Variants in KRT9 observed in about 807,000 individuals in gnomAD.
The protein encoded by KRT9 is keratin, type I cytoskeletal 9.
A neutral mutation model predicts 51.4 loss-of-function variants in KRT9; 34 were observed. The ratio of observed to expected loss-of-function variants is 0.66; its 90% CI spans 0.50 to 0.88. KRT9 has a LOEUF of 0.88. Among genes scored for constraint, KRT9 ranks in the 40% least tolerant of loss-of-function variants. The pLI is 0.00. For missense variants in KRT9, 753 were observed against 790.3 expected (o/e 0.95, Z 0.57); for synonymous variants, 292 against 289.7 (o/e 1.01, Z -0.08).
chr17:41,569,439 T>A lies in KRT9; in HGVS notation c.1031A>T (p.Gln344Leu). The change falls in exon 4 of 8, where the codon CAA (glutamine) becomes CTA (leucine). Residue 344 changes from glutamine to leucine, a missense_variant. Coordinates refer to ENST00000246662, the MANE Select transcript of KRT9 (RefSeq NM_000226.4). Reference protein sequence around the residue: ...IAKNRKDIENQYETQITQIEH... With the variant: ...IAKNRKDIENLYETQITQIEH... ...CACTCTGCTCACCTGAGTCTCATAT[T>A]GATTCTCGATGTCCTTTCTGTTCTT... 1 of 1,614,104 alleles carries A rather than the reference T, an allele frequency of 6.2e-7. No homozygotes were observed. Among genetic ancestry groups the A allele is most frequent in the Non-Finnish European group, 8.5e-7 (1 of 1,179,992 alleles).
Position 41,572,014 on chromosome 17 carries a change from G to A in KRT9, c.-22C>T, listed in dbSNP as rs1907109111. On this transcript the variant is annotated 5_prime_UTR_variant, in exon 1 of 8. Transcript: ENST00000246662. ...TCATGACACAGCTGGTAGCTCACGG[G>A]TTGAGAAGCAGTGATAGGAGTGCTA... is the stretch of plus-strand genomic sequence containing the variant. The A allele has an allele frequency of 2.6e-6, 4 of 1,561,262 alleles. No homozygotes were observed. Among genetic ancestry groups the A allele is most frequent in the Non-Finnish European group, 3.5e-6 (4 of 1,157,478 alleles).
intron 4 of KRT9, 68 bp from the exon 5 acceptor site, chr17:41,568,701 AT>A: frequency 6.2e-7 from 1 of 1,602,926 alleles, no homozygotes; most frequent in East Asian, 2.2e-5. Context: ...ATTCTGCCCC[AT>A]TCACCAGGAT....
rs988379305 is a variant in KRT9 at position 41,571,678 on chromosome 17, A to G, written c.315T>C (p.Tyr105=). 6.2e-7 allele frequency: 1 copy of G among 1,605,264 alleles called. No individual in the cohort carries two copies. Among genetic ancestry groups the G allele is most frequent in the Admixed American group, 1.7e-5 (1 of 59,038 alleles). Residue 105 remains tyrosine (Y), a synonymous_variant, in exon 1 of 8, where the codon TAT becomes TAC. Transcript: ENST00000246662. ...CACCTCCAAAACCCCCAGAACTACT[A>G]TAGCCTCCTCCAGAAGCACCACCAA... ...RGFGGASGGG[Y]SSSGGFGGGF...
At position 41,567,398 on chromosome 17, in the gene KRT9, C is replaced by T. The variant is rs940794764; in HGVS notation, c.1747G>A (p.Gly583Arg). The T allele has an allele frequency of 4.4e-6, 7 of 1,591,356 alleles. No homozygotes were observed. The African/African-American group carries it at 6.7e-5, about 15-fold the overall frequency. ...GGGSGSRGGSGGSHGGGSGFG... is the reference protein window; with the variant it reads ...GGGSGSRGGSRGSHGGGSGFG... ...CCACTTCCTCCACCATGGCTGCCTC[C>T]ACTTCCTCCCCTGGACCCACTTCCT... is the stretch of plus-strand genomic sequence containing the variant. The change falls in exon 7 of 8, where the codon GGA becomes AGA. Residue 583 changes from glycine to arginine, a missense_variant. By Grantham distance (125) the Gly-to-Arg change is moderately radical. This residue lies in a region of KRT9 where 507 missense variants were observed against 563.7 expected (regional missense o/e 0.90). Coordinates refer to ENST00000246662, the MANE Select transcript of KRT9 (RefSeq NM_000226.4).
intron 7 of KRT9, 63 bp downstream of exon 7, chr17:41,567,170 A>T: frequency 6.5e-7 from 1 of 1,527,300 alleles, no homozygotes; most frequent in South Asian, 1.2e-5. Flanking sequence ...ATTCAAAAAT[A>T]CTCAAAAAAA....
intron 7 of KRT9, among the ~76,000 whole-genome samples, chr17:41,566,399 C>T (rs879696466): frequency 1.3e-5 from 2 of 152,176 alleles, no homozygotes; most frequent in African/African-American, 4.8e-5. Flanking sequence ...GCTTATGAGG[C>T]AGCCCCCTCC....
rs949167736 is a variant in KRT9, at chr17:41,566,103, G to A, written c.*90C>T. ...TCTGCCCATCTGGGGATGCTCAGCT[G>A]GGGCTGGGCAGGAGAAGTTTACAGA... On this transcript the variant is annotated 3_prime_UTR_variant, in exon 8 of 8. Transcript: ENST00000246662. The A allele has an allele frequency of 2.0e-5, 3 of 152,824 alleles. No homozygotes were observed. Among genetic ancestry groups the A allele is most frequent in the Non-Finnish European group, 2.9e-5 (2 of 68,106 alleles). The allele number at this position is 152,824 out of a possible 1,614,324, so 9.5% of individuals were successfully genotyped here.
chr17:41,567,121 C>A, intron 7 of KRT9, 112 bp downstream of exon 7: 1 of 1,527,892 alleles, frequency 6.5e-7, no homozygotes, highest in Non-Finnish European at 8.8e-7. Context: ...AGAGATTTCC[C>A]TAACATCTAG....
In KRT9 at chr17:41,568,604, A is replaced by T; in HGVS notation, c.1074T>A (p.Ser358Arg). Reference protein sequence around the residue: ...QITQIEHEVSSSGQEVQSSAK... With the variant: ...QITQIEHEVSRSGQEVQSSAK... The stretch of plus-strand genomic sequence containing the variant: ...CACTGGACTGCACCTCCTGACCACT[A>T]CTGGATACCTCATGCTCGATCTGGG... The change falls in exon 5 of 8, where the codon AGT becomes AGA. Residue 358 changes from serine (S) to arginine (R), a missense_variant. Ser to Arg is a moderately radical substitution (Grantham distance 110). This residue lies in a region of KRT9 where 507 missense variants were observed against 563.7 expected (regional missense o/e 0.90). Transcript: ENST00000246662. 4 of 1,614,034 alleles carry T rather than the reference A, an allele frequency of 2.5e-6. No individual in the cohort carries two copies. Among genetic ancestry groups the T allele is most frequent in the Non-Finnish European group, 3.4e-6 (4 of 1,179,988 alleles).
rs147573042 is a variant in KRT9 at position 41,568,733 on chromosome 17, C to A, written c.1045-100G>T. The A allele has an allele frequency of 8.7e-5, 130 of 1,488,668 alleles. No individual in the cohort carries two copies. The African/African-American group carries it at 1.6e-3, about 19-fold the overall frequency. The allele number at this position is 1,488,668 out of a possible 1,614,324, so 92.2% of individuals were successfully genotyped here. ...AGGATCTTCACCTCCAGGGCCAAGG[C>A]TGATCTGAAGCCAATGACAAGTCAT... On this transcript the variant is annotated intron_variant, in intron 4 of 7. Transcript: ENST00000246662.
chr17:41,569,490 C>T lies in KRT9; in HGVS notation c.980G>A (p.Arg327His), dbSNP rs761374587. ...AGCAATGAGCTGCTCATACTCCTGA[C>T]GCATGTCATTGAGGGTCTTGGTGAG... Reference protein sequence around the residue: ...KDLTKTLNDMRQEYEQLIAKN... With the variant: ...KDLTKTLNDMHQEYEQLIAKN... Residue 327 changes from arginine (R) to histidine (H), a missense_variant, in exon 4 of 8, where the codon CGT (arginine) becomes CAT (histidine). Physicochemically the swap from Arg to His is conservative, Grantham distance 29. Coordinates refer to ENST00000246662, the MANE Select transcript of KRT9 (RefSeq NM_000226.4). The T allele has an allele frequency of 7.4e-5, 120 of 1,613,998 alleles. No homozygotes were observed. The highest frequency in any genetic ancestry group is 3.3e-4 in the Middle Eastern group (2 of 6,082).
At chr17:41,567,999 C>T (rs1906935516) in intron 6 of KRT9, among the ~76,000 whole-genome samples, 163 bp downstream of exon 6, 1 of 152,080 alleles carries the variant, frequency 6.6e-6, no homozygotes, top group African/African-American at 2.4e-5. Flanking sequence ...TTTCCCAAAG[C>T]CCAAATGCAC....
rs572509613 is a variant in KRT9, at chr17:41,567,452, C to T, written c.1693G>A (p.Gly565Arg). The change falls in exon 7 of 8, where the codon GGA becomes AGA. Residue 565 changes from glycine (G) to arginine (R), a missense_variant. Transcript: ENST00000246662. Reference protein sequence around the residue: ...GGNYGGGSGSGGGSGGGYGGG... With the variant: ...GGNYGGGSGSRGGSGGGYGGG... The stretch of plus-strand genomic sequence containing the variant: ...CCATAGCCACCCCCACTTCCTCCTC[C>T]AGAGCCACTTCCTCCTCCATAGTTG... 5.1e-6 allele frequency: 8 copies of T among 1,554,424 alleles called. No individual in the cohort carries two copies. The highest frequency in any genetic ancestry group is 2.0e-5 in the Admixed American group (1 of 51,048).
intron 1 of KRT9, among the ~76,000 whole-genome samples, chr17:41,570,941 C>T (rs1051046550): frequency 6.6e-6 from 1 of 152,154 alleles, no homozygotes; most frequent in African/African-American, 2.4e-5. Context: ...CTCTCCAACA[C>T]TTGAATAACC....
At chr17:41,568,682 G>C in intron 4 of KRT9, 49 bp from the exon 5 acceptor site, 1 of 1,613,198 alleles carries the variant, frequency 6.2e-7, no homozygotes, top group South Asian at 1.1e-5. Context: ...AGGAGCTTCA[G>C]TGAGTGAGAT....
chr17:41,568,197 G>C lies in KRT9; in HGVS notation c.1359C>G (p.Thr453=), dbSNP rs200972528. 4.3e-6 allele frequency: 7 copies of C among 1,613,934 alleles called. No individual in the cohort carries two copies. The South Asian group carries it at 7.7e-5, about 18-fold the overall frequency. The change falls in exon 6 of 8, where the codon ACC becomes ACG. Residue 453 remains threonine (T), a synonymous_variant. Coordinates refer to ENST00000246662, the MANE Select transcript of KRT9 (RefSeq NM_000226.4). ...GGCCTCCCTCAAGGAGGTTGTGGTA[G>C]GTCTCGATTTCCTTCTCCAGCCGCA... ...IKMRLEKEIE[T]YHNLLEGGQE...
chr17:41,570,712 A>T (rs1029505800), intron 1 of KRT9, among the ~76,000 whole-genome samples: 11 of 152,222 alleles, frequency 7.2e-5, no homozygotes, highest in Admixed American at 2.0e-4. Flanking sequence ...GAGTTAAAAC[A>T]AGAGGAATCA....
chr17:41,570,075 C>T lies in KRT9; in HGVS notation c.726-60G>A, dbSNP rs1049790048. 33 of 1,610,384 alleles carry T rather than the reference C, an allele frequency of 2.0e-5. No individual in the cohort carries two copies. In the Admixed American group the frequency reaches 3.0e-4, roughly 15 times the overall value. ...GGGAACCAGGCCCTACCAGGACCTC[C>T]AGAGCACTGAGGTTCAGGGGTAAGG... On this transcript the variant is annotated intron_variant, in intron 2 of 7. Coordinates refer to ENST00000246662, the MANE Select transcript of KRT9 (RefSeq NM_000226.4).
chr17:41,566,680 A>G (rs144990349), intron 7 of KRT9, among the ~76,000 whole-genome samples: 133 of 152,354 alleles, frequency 8.7e-4, no homozygotes, highest in African/African-American at 2.9e-3. Context: ...TCTAGAGACC[A>G]ACTCACCTGT....
Sources: gnomAD v4.1 joint callset for allele counts (sites outside exome capture counted in the v4.1 genomes callset) on GRCh38, gnomAD v4.1.1 for gene constraint, gnomAD v4.1.1 regional missense constraint, MANE v1.5 for transcripts, NCBI Gene and HGNC (gene_info 2026-07-23, HGNC 2026-07-21) for gene names.